Variants in KDM4C observed in about 807,000 individuals in gnomAD.
The protein encoded by KDM4C is lysine demethylase 4C.
In KDM4C, 81 loss-of-function variants were observed where a neutral mutation model predicts 129.3. The ratio of observed to expected loss-of-function variants is 0.63; its 90% CI spans 0.52 to 0.75. The LOEUF is 0.75. Ranked by LOEUF, KDM4C falls within the 30% of genes least tolerant of loss-of-function variation. The probability of loss-of-function intolerance (pLI) is 0.00; values close to 1 mark genes in which losing one functional copy is unlikely to be tolerated. For missense variants in KDM4C, 1,457 were observed against 1,304.0 expected (o/e 1.12, Z -1.81); for synonymous variants, 573 against 456.1 (o/e 1.26, Z -3.26).
chr9:7,011,805 C>G lies in KDM4C; in HGVS notation c.1894C>G (p.Gln632Glu), dbSNP rs761257133. ...GAAGTCCCCTAACTTCGCAGCTGAG[C>G]AAGAGTATAATGCAACAGTGGCCAG... ...QTKSPNFAAE[Q>E]EYNATVARMK... The change falls in exon 13 of 22, where the codon CAA becomes GAA. Residue 632 changes from glutamine to glutamate, a missense_variant. Transcript: ENST00000381309. 2 of 1,614,112 alleles carry G rather than the reference C, an allele frequency of 1.2e-6. No individual in the cohort carries two copies. The highest frequency in any genetic ancestry group is 1.7e-6 in the Non-Finnish European group (2 of 1,179,984).
chr9:6,799,297 C>A (rs1282445121), intron 2 of KDM4C, among the ~76,000 whole-genome samples: 1 of 152,250 alleles, frequency 6.6e-6, no homozygotes, highest in Non-Finnish European at 1.5e-5. Flanking sequence ...GTTAAGGAGA[C>A]TCTGTCTGCA....
At chr9:6,980,831 C>CT in intron 8 of KDM4C, 94 bp from the exon 9 acceptor site, 1 of 1,038,334 alleles carries the variant, frequency 9.6e-7, no homozygotes, top group South Asian at 1.4e-5. Flanking sequence ...TATGTAGTGA[C>CT]TAAGTATTCA....
chr9:6,967,190 A>C (rs1453847458), intron 8 of KDM4C, among the ~76,000 whole-genome samples: 1 of 152,018 alleles, frequency 6.6e-6, no homozygotes, highest in Non-Finnish European at 1.5e-5. Flanking sequence ...TGGGGAGGCC[A>C]AGGCAGGCGG....
chr9:6,785,434 T>C (rs998492860), intron 1 of KDM4C, among the ~76,000 whole-genome samples: 22 of 152,088 alleles, frequency 1.4e-4, no homozygotes, highest in Admixed American at 9.8e-4. Flanking sequence ...CCTCCCGGGT[T>C]CAAGCGATTC....
At chr9:7,100,563 C>G (rs986502672) in intron 17 of KDM4C, among the ~76,000 whole-genome samples, 151 of 152,264 alleles carry the variant, frequency 9.9e-4, no homozygotes, top group Non-Finnish European at 1.3e-3. Context: ...TGGTCTTGAA[C>G]TCCTGACCTC....
In KDM4C at chr9:6,893,126, C is replaced by G. The variant is rs1268097840; in HGVS notation, c.815C>G (p.Thr272Ser). ...CAGGAGGCTGGAGAATTCATGATCA[C>G]TTTCCCATATGGCTACCATGCTGGT... The part of the protein sequence containing the change: ...ITQEAGEFMI[T>S]FPYGYHAGFN... Residue 272 changes from threonine to serine, a missense_variant, in exon 8 of 22, where the codon ACT becomes AGT. Physicochemically the swap from Thr to Ser is moderately conservative, Grantham distance 58. Coordinates refer to ENST00000381309, the MANE Select transcript of KDM4C (RefSeq NM_015061.6). 6.3e-7 allele frequency: 1 copy of G among 1,594,808 alleles called. No homozygotes were observed. Among genetic ancestry groups the G allele is most frequent in the Non-Finnish European group, 8.5e-7 (1 of 1,170,128 alleles).
At chr9:6,960,427 G>T (rs1356015980) in intron 8 of KDM4C, among the ~76,000 whole-genome samples, 1 of 151,652 alleles carries the variant, frequency 6.6e-6, no homozygotes, top group African/African-American at 2.4e-5. Flanking sequence ...CTATAAGCTT[G>T]CATCACCACA....
At chr9:7,059,650 A>G (rs1328167167) in intron 17 of KDM4C, among the ~76,000 whole-genome samples, 1 of 152,194 alleles carries the variant, frequency 6.6e-6, no homozygotes, top group Non-Finnish European at 1.5e-5. Flanking sequence ...CAAACCACAT[A>G]GTCTTCATAT....
chr9:7,072,994 A>C lies in KDM4C; in HGVS notation c.2424+23794A>C, dbSNP rs550289383. ...AGGGAGAAGGACAAAGTGGTGAAGA[A>C]AAGTAGTAGGAGAAGTAGTGAGAGG... On this transcript the variant is annotated intron_variant, in intron 17 of 21. Coordinates refer to ENST00000381309, the MANE Select transcript of KDM4C (RefSeq NM_015061.6). Among the ~76,000 whole-genome samples the C allele has an allele frequency of 5.3e-5, 8 of 152,276 alleles. No individual in the cohort carries two copies. The East Asian group carries it at 1.5e-3, about 29-fold the overall frequency.
chr9:7,053,090 T>C (rs767470557), intron 17 of KDM4C, among the ~76,000 whole-genome samples: 6 of 152,196 alleles, frequency 3.9e-5, no homozygotes, highest in Non-Finnish European at 5.9e-5. Flanking sequence ...ATAAAGCTAG[T>C]AACTGCAAGA....
intron 8 of KDM4C, among the ~76,000 whole-genome samples, chr9:6,906,858 TAAATATTAGTATGGCAA>T (rs1563793127): frequency 6.6e-6 from 1 of 152,240 alleles, no homozygotes; most frequent in East Asian, 1.9e-4. Flanking sequence ...AAATTGCCTT[TAAATATTAGTATGGCAA>T]AAATGAAAAC....
intron 18 of KDM4C, among the ~76,000 whole-genome samples, chr9:7,124,939 G>C (rs1322801063): frequency 6.6e-6 from 1 of 152,160 alleles, no homozygotes. Context: ...CTTGTCCGCA[G>C]TTCCTTTCTT....
intron 20 of KDM4C, among the ~76,000 whole-genome samples, chr9:7,168,159 G>T (rs557902195): frequency 6.6e-6 from 1 of 152,206 alleles, no homozygotes; most frequent in East Asian, 1.9e-4. Context: ...TTGCACTCCA[G>T]CCTAGGCAAC....
At chr9:6,909,054 T>A (rs1467634657) in intron 8 of KDM4C, among the ~76,000 whole-genome samples, 1 of 152,236 alleles carries the variant, frequency 6.6e-6, no homozygotes, top group Non-Finnish European at 1.5e-5. Flanking sequence ...TTACCAGATC[T>A]GCCCCAGGAA....
At chr9:7,002,693 A>G (rs1820944891) in intron 12 of KDM4C, among the ~76,000 whole-genome samples, 1 of 152,208 alleles carries the variant, frequency 6.6e-6, no homozygotes, top group Admixed American at 6.5e-5. Context: ...TTTGTTGTAC[A>G]CATTACTAGT....
chr9:6,739,582 A>T (rs2130253564), intron 1 of KDM4C, among the ~76,000 whole-genome samples: 1 of 152,126 alleles, frequency 6.6e-6, no homozygotes. Context: ...TTTTACTCAC[A>T]GTTTTAGATA....
At chr9:6,807,747 G>A (rs1459405327) in intron 3 of KDM4C, among the ~76,000 whole-genome samples, 1 of 148,676 alleles carries the variant, frequency 6.7e-6, no homozygotes, top group Non-Finnish European at 1.5e-5. Flanking sequence ...TCTGGGAAGT[G>A]AGGAGCGTCT....
chr9:7,060,825 G>A (rs17449018), intron 17 of KDM4C, among the ~76,000 whole-genome samples: 26,870 of 152,066 alleles, frequency 0.18, 3,283 homozygotes, highest in Middle Eastern at 0.31. Context: ...TAGCAGTTGC[G>A]TGGGCATGCA....
chr9:6,787,512 C>T (rs917275851), intron 1 of KDM4C, among the ~76,000 whole-genome samples: 5 of 152,226 alleles, frequency 3.3e-5, no homozygotes, highest in African/African-American at 9.6e-5. Flanking sequence ...GGATTACAGG[C>T]GTGAGCCACC....
Sources: allele counts gnomAD v4.1 joint callset (sites outside exome capture counted in the v4.1 genomes callset), GRCh38; gene constraint gnomAD v4.1.1; transcripts MANE v1.5; gene names NCBI Gene and HGNC (gene_info 2026-07-23, HGNC 2026-07-21).